The following PTDSS1 variants were observed in gnomAD, a reference collection of about 807,000 sequenced individuals.
PTDSS1 encodes PSS-1.
A neutral mutation model predicts 70.5 loss-of-function variants in PTDSS1; 45 were observed. The ratio of observed to expected loss-of-function variants is 0.64; its 90% confidence interval spans 0.50 to 0.82. The LOEUF (loss-of-function observed/expected upper bound fraction) is 0.82. Ranked by LOEUF, PTDSS1 falls within the 40% of genes least tolerant of loss-of-function variation. The pLI is 0.00. For missense variants in PTDSS1, 417 were observed against 586.1 expected (o/e 0.71, Z 2.98); for synonymous variants, 188 against 203.8 (o/e 0.92, Z 0.66).
chr8:96,305,950 G>C (rs1373845898), intron 7 of PTDSS1, among the ~76,000 whole-genome samples: 1 of 152,146 alleles, frequency 6.6e-6, no homozygotes, highest in Non-Finnish European at 1.5e-5. Context: ...CAAAGTGCTG[G>C]GGTTACAGGC....
At chr8:96,324,663 ATGAGGGCTTT>A (rs1563584904) in intron 10 of PTDSS1, among the ~76,000 whole-genome samples, 1 of 152,328 alleles carries the variant, frequency 6.6e-6, no homozygotes, top group African/African-American at 2.4e-5. Context: ...GAATCCATTC[ATGAGGGCTTT>A]GCCCTCATGA....
At position 96,306,557 on chromosome 8, in the gene PTDSS1, G is replaced by A; in HGVS notation, c.1007+1G>A. 6.3e-7 allele frequency: 1 copy of A among 1,598,926 alleles called. No individual in the cohort carries two copies. Among genetic ancestry groups the A allele is most frequent in the Non-Finnish European group, 8.6e-7 (1 of 1,166,198 alleles). The stretch of plus-strand genomic sequence containing the variant: ...GTGGCATCACAGCTCCCACAGTGAG[G>A]TAATTCTGCACAAGCCTGACTGTCA... On this transcript the variant is annotated splice_donor_variant, in intron 8 of 12. Coordinates refer to ENST00000517309, the MANE Select transcript of PTDSS1 (RefSeq NM_014754.3). LOFTEE classifies it high-confidence loss of function.
At chr8:96,295,594 A>G (rs1378627098) in intron 5 of PTDSS1, among the ~76,000 whole-genome samples, 2 of 152,238 alleles carry the variant, frequency 1.3e-5, no homozygotes, top group Non-Finnish European at 2.9e-5. Flanking sequence ...CAGTTGACCT[A>G]CTAACTAGCT....
chr8:96,330,735 G>A lies in PTDSS1; in HGVS notation c.1243-291G>A, dbSNP rs981957184. 44 of 423,786 alleles carry A rather than the reference G, an allele frequency of 1.0e-4. No homozygotes were observed. In the East Asian group the frequency reaches 1.6e-3, roughly 15 times the overall value. 26.3% of individuals were successfully genotyped at this position (423,786 alleles called of 1,614,324 possible). On this transcript the variant is annotated intron_variant, in intron 11 of 12. Coordinates refer to ENST00000517309, the MANE Select transcript of PTDSS1 (RefSeq NM_014754.3). ...TGAATGGCTTTAAGACACGATGGCCGTCTGGTAGACGGTAATATTTTTTTC... is the reference window on the plus strand; with the variant it reads ...TGAATGGCTTTAAGACACGATGGCCATCTGGTAGACGGTAATATTTTTTTC...
At chr8:96,301,758 C>T (rs1190153797) in intron 6 of PTDSS1, among the ~76,000 whole-genome samples, 1 of 150,896 alleles carries the variant, frequency 6.6e-6, no homozygotes, top group East Asian at 2.0e-4. Flanking sequence ...TCAGGTGATC[C>T]GCCCGCCTCA....
At chr8:96,286,691 C>T (rs1188762813) in intron 3 of PTDSS1, among the ~76,000 whole-genome samples, 5 of 152,148 alleles carry the variant, frequency 3.3e-5, no homozygotes, top group African/African-American at 7.2e-5. Context: ...TTTCTCTTTT[C>T]GGAAACCGAC....
intron 6 of PTDSS1, among the ~76,000 whole-genome samples, chr8:96,302,111 CG>C (rs1811058798): frequency 6.6e-6 from 1 of 152,068 alleles, no homozygotes; most frequent in African/African-American, 2.4e-5. Flanking sequence ...CTCCACTTCC[CG>C]GGTTTAAGCA....
At chr8:96,333,102 C>T (rs953682586) in intron 12 of PTDSS1, among the ~76,000 whole-genome samples, 29 of 152,152 alleles carry the variant, frequency 1.9e-4, no homozygotes, top group Non-Finnish European at 5.9e-5. Flanking sequence ...AGGATGGGCA[C>T]CGCGTGGTGT....
At position 96,333,665 on chromosome 8, in the gene PTDSS1, C is replaced by A. The variant is rs539061582; in HGVS notation, c.*99C>A. On this transcript the variant is annotated 3_prime_UTR_variant, in exon 13 of 13. Coordinates refer to ENST00000517309, the MANE Select transcript of PTDSS1 (RefSeq NM_014754.3). ...CGTGAGGAGGTCGAGGCGCACAGGG[C>A]AAGCAGGAAGAGGCGAGGGCACTTG... The A allele has an allele frequency of 2.5e-6, 3 of 1,182,670 alleles. No homozygotes were observed. The highest frequency in any genetic ancestry group is 1.5e-5 in the African/African-American group (1 of 66,168). 73.3% of individuals were successfully genotyped at this position (1,182,670 alleles called of 1,614,324 possible). A position where few individuals can be genotyped will look rare whatever the true frequency, so the allele number is the denominator to read the frequency against.
rs116825960 is a variant in PTDSS1 at position 96,274,970 on chromosome 8, G to T, written c.271+1580G>T. Among the ~76,000 whole-genome samples, 891 of 152,180 alleles carry T rather than the reference G, an allele frequency of 5.9e-3. 11 individuals are homozygous for T. Among genetic ancestry groups the T allele is most frequent in the African/African-American group, 0.02 (838 of 41,528 alleles). On this transcript the variant is annotated intron_variant, in intron 2 of 12. Transcript: ENST00000517309. The stretch of plus-strand genomic sequence containing the variant: ...ACCACTCAAGCTTTTAGGTGAAAAA[G>T]AATTTTTTAATGAAAATCTGCATAC...
At chr8:96,287,260 C>A in intron 4 of PTDSS1, 114 bp downstream of exon 4, 4 of 1,403,068 alleles carry the variant, frequency 2.9e-6, no homozygotes, top group Non-Finnish European at 3.9e-6. Flanking sequence ...GTGTAGTTAC[C>A]TAAAAACCAG....
At chr8:96,277,615 G>A (rs571613562) in intron 2 of PTDSS1, among the ~76,000 whole-genome samples, 3 of 152,338 alleles carry the variant, frequency 2.0e-5, no homozygotes, top group East Asian at 1.9e-4. Context: ...TAGCATGTCC[G>A]GAAAAATTTT....
At chr8:96,330,356 T>C in intron 11 of PTDSS1, 75 bp downstream of exon 11, 1 of 1,387,542 alleles carries the variant, frequency 7.2e-7, no homozygotes. Context: ...TCAGAGCACG[T>C]GCCTGTAAGG....
chr8:96,316,326 C>T (rs915474902), intron 9 of PTDSS1, among the ~76,000 whole-genome samples: 1 of 152,168 alleles, frequency 6.6e-6, no homozygotes, highest in Admixed American at 6.5e-5. Flanking sequence ...ACCTAGTGCC[C>T]ATCAGTGGTG....
chr8:96,333,260 C>G (rs1258889437), intron 12 of PTDSS1, among the ~76,000 whole-genome samples, 197 bp from the exon 13 acceptor site: 1 of 152,142 alleles, frequency 6.6e-6, no homozygotes, highest in Non-Finnish European at 1.5e-5. Context: ...TGCGTTGAAC[C>G]CCGCGCCACC....
chr8:96,328,392 C>G (rs1364378964), intron 10 of PTDSS1, among the ~76,000 whole-genome samples: 1 of 152,178 alleles, frequency 6.6e-6, no homozygotes, highest in Non-Finnish European at 1.5e-5. Context: ...GCACACTTAA[C>G]GTTGGTATAT....
chr8:96,312,677 T>C (rs1215633790), intron 9 of PTDSS1, among the ~76,000 whole-genome samples: 1 of 152,006 alleles, frequency 6.6e-6, no homozygotes, highest in Non-Finnish European at 1.5e-5. Context: ...CAGTGAGCTA[T>C]GCTGAAAAAT....
At chr8:96,324,621 T>C (rs1298938755) in intron 10 of PTDSS1, among the ~76,000 whole-genome samples, 1 of 152,104 alleles carries the variant, frequency 6.6e-6, no homozygotes, top group African/African-American at 2.4e-5. Context: ...CTCATCCTTT[T>C]TATCAGGAAC....
Position 96,330,205 on chromosome 8 carries a change from T to C in PTDSS1, c.1174-8T>C, listed in dbSNP as rs148493997. On this transcript the variant is annotated splice_polypyrimidine_tract_variant and splice_region_variant and intron_variant, in intron 10 of 12. Transcript: ENST00000517309. ...TTTTGTGCAGCATCATTTGTTTTTC[T>C]CTTCCAGGCTTTCACCACTTTCCTC... is the stretch of plus-strand genomic sequence containing the variant. 2.2e-4 allele frequency: 358 copies of C among 1,609,882 alleles called. 3 individuals are homozygous for C. In the East Asian group the frequency reaches 7.8e-3, roughly 35 times the overall value.
Sources: gnomAD v4.1 joint callset for allele counts (sites outside exome capture counted in the v4.1 genomes callset) on GRCh38, gnomAD v4.1.1 for gene constraint, MANE v1.5 for transcripts, NCBI Gene and HGNC (gene_info 2026-07-23, HGNC 2026-07-21) for gene names.